RFFL: variants seen among roughly 807,000 people sequenced by gnomAD.
RFFL encodes the protein E3 ubiquitin-protein ligase rififylin.
In RFFL, 16 loss-of-function variants were observed where a neutral mutation model predicts 40.4. That is an observed-to-expected ratio of 0.40 (90% CI 0.27 to 0.60). RFFL has a LOEUF of 0.60. Ranked by LOEUF, RFFL falls within the 20% of genes least tolerant of loss-of-function variation. RFFL has a pLI of 0.47. For synonymous variants in RFFL, 154 were observed against 167.9 expected (o/e 0.92, Z 0.64); for missense variants, 367 against 451.7 (o/e 0.81, Z 1.70).
At chr17:35,087,347 T>C (rs1244811434) in intron 1 of RFFL, among the ~76,000 whole-genome samples, 1 of 149,974 alleles carries the variant, frequency 6.7e-6, no homozygotes, top group East Asian at 1.9e-4. Context: ...TGAGACTCTG[T>C]CTCCAAAAAA....
At chr17:35,044,017 T>C (rs1404571328) in intron 1 of RFFL, among the ~76,000 whole-genome samples, 2 of 152,222 alleles carry the variant, frequency 1.3e-5, no homozygotes, top group African/African-American at 2.4e-5. Context: ...TTAAGGTGTA[T>C]TTCAGTTTCT....
rs560336866 is a variant in RFFL at position 35,059,815 on chromosome 17, A to C, written c.-9+3761T>G. 1.1e-3 allele frequency among the ~76,000 whole-genome samples: 164 copies of C among 152,306 alleles called. 1 individual carries two copies. The highest frequency in any genetic ancestry group is 3.9e-3 in the African/African-American group (161 of 41,560). On this transcript the variant is annotated intron_variant, in intron 1 of 6. Transcript: ENST00000394597. ...TCTTAGCTTTTCTTTCTCTAGGCTA[A>C]AATCTTTCCCCCCTTTTTAAAACTT... is the stretch of plus-strand genomic sequence containing the variant.
rs1046652543 is a variant in RFFL, at chr17:35,010,183, C to T, written c.*1785G>A. On this transcript the variant is annotated 3_prime_UTR_variant, in exon 7 of 7. Transcript: ENST00000394597. ...ATGTAATAAGTCCCTTTAGAGGTTT[C>T]CCTCTGCCATCCAGAGTCATGATTG... 8 of 152,330 alleles carry T rather than the reference C, an allele frequency of 5.3e-5. No homozygotes were observed. The highest frequency in any genetic ancestry group is 3.4e-3 in the Middle Eastern group (1 of 294). The allele number at this position is 152,330 out of a possible 1,614,324, so 9.4% of individuals were successfully genotyped here. A position where few individuals can be genotyped will look rare whatever the true frequency, so the allele number is the denominator to read the frequency against.
At chr17:35,026,931 T>G (rs539803900) in intron 1 of RFFL, among the ~76,000 whole-genome samples, 172 of 152,306 alleles carry the variant, frequency 1.1e-3, no homozygotes, top group Non-Finnish European at 1.9e-3. Context: ...CTCGAACTCC[T>G]GACCTTGTGA....
Position 35,012,009 on chromosome 17 carries a change from G to A in RFFL, c.1051C>T (p.Arg351Trp), listed in dbSNP as rs747976164. 9 of 1,614,150 alleles carry A rather than the reference G, an allele frequency of 5.6e-6. No individual in the cohort carries two copies. Among genetic ancestry groups the A allele is most frequent in the East Asian group, 4.5e-5 (2 of 44,880 alleles). Residue 351 changes from arginine (R) to tryptophan (W), a missense_variant, in exon 7 of 7, where the codon CGG (arginine) becomes TGG (tryptophan). Physicochemically the swap from Arg to Trp is moderately radical, Grantham distance 101. Coordinates refer to ENST00000394597, the MANE Select transcript of RFFL (RefSeq NM_001017368.2). The part of the protein sequence containing the change: ...GKRMNECPIC[R>W]QYVIRAVHVF... The stretch of plus-strand genomic sequence containing the variant: ...TGCACAGCTCGGATTACATACTGCC[G>A]GCAGATGGGACATTCATTCATGCGC...
rs372333983 is a variant in RFFL, at chr17:35,051,239, T to C, written c.-9+12337A>G. 5.6e-4 allele frequency among the ~76,000 whole-genome samples: 86 copies of C among 152,330 alleles called. No homozygotes were observed. In the South Asian group the frequency reaches 0.017, roughly 30 times the overall value. On this transcript the variant is annotated intron_variant, in intron 1 of 6. Coordinates refer to ENST00000394597, the MANE Select transcript of RFFL (RefSeq NM_001017368.2). ...GGCAAGGGCTGTAAAGGACTAGTTA[T>C]GTTAGCTTCTTTTCAAACCCAAAAT...
chr17:35,088,319 G>A (rs1343265468), intron 1 of RFFL, among the ~76,000 whole-genome samples: 1 of 152,160 alleles, frequency 6.6e-6, no homozygotes, highest in Non-Finnish European at 1.5e-5. Flanking sequence ...GATTACACAA[G>A]CAGTCTTCTT....
Position 35,006,493 on chromosome 17 carries a change from G to A in RFFL, c.*5475C>T, listed in dbSNP as rs2090896122. On this transcript the variant is annotated 3_prime_UTR_variant, in exon 7 of 7. Coordinates refer to ENST00000394597, the MANE Select transcript of RFFL (RefSeq NM_001017368.2). Reference sequence around the variant, plus strand: ...AATCATAGGGTTGTCCTGTTGTCCTGAGCAACATTATGTAAAGCACTTAGC... The same window carrying A: ...AATCATAGGGTTGTCCTGTTGTCCTAAGCAACATTATGTAAAGCACTTAGC... The A allele has an allele frequency of 6.6e-6, 1 of 152,240 alleles. No individual in the cohort carries two copies. The highest frequency in any genetic ancestry group is 2.4e-5 in the African/African-American group (1 of 41,428). 9.4% of individuals were successfully genotyped at this position (152,240 alleles called of 1,614,324 possible).
At chr17:35,070,213 G>C (rs12947295) in intron 1 of RFFL, among the ~76,000 whole-genome samples, 13,956 of 152,026 alleles carry the variant, frequency 0.092, 1,965 homozygotes, top group African/African-American at 0.3. Flanking sequence ...CTCTGTCACC[G>C]AGGCTGGAGT....
At chr17:35,038,014 A>G (rs2091134930) in intron 1 of RFFL, among the ~76,000 whole-genome samples, 1 of 150,862 alleles carries the variant, frequency 6.6e-6, no homozygotes, top group African/African-American at 2.5e-5. Context: ...GCAGACGGGC[A>G]TGGTGGCTCA....
intron 1 of RFFL, among the ~76,000 whole-genome samples, chr17:35,041,932 T>C (rs2091168752): frequency 6.6e-6 from 1 of 152,154 alleles, no homozygotes; most frequent in South Asian, 2.1e-4. Flanking sequence ...GAAGTATCGC[T>C]TGAACCCGGG....
chr17:35,043,486 C>T (rs2091179339), intron 1 of RFFL, among the ~76,000 whole-genome samples: 1 of 152,186 alleles, frequency 6.6e-6, no homozygotes, highest in Non-Finnish European at 1.5e-5. Flanking sequence ...AAACCAGCTT[C>T]CAGAGCCTCC....
exon 1 of RFFL, chr17:35,089,105 C>T (rs2091445855): frequency 1.3e-5 from 2 of 152,766 alleles, no homozygotes; most frequent in African/African-American, 4.8e-5. Context: ...GCCTCCTCAC[C>T]TGCTGCGGCC....
intron 1 of RFFL, among the ~76,000 whole-genome samples, chr17:35,063,264 T>C (rs1353304531): frequency 1.3e-5 from 2 of 151,848 alleles, no homozygotes; most frequent in Non-Finnish European, 2.9e-5. Flanking sequence ...GAAACCAGAC[T>C]GACCAACACA....
chr17:35,029,340 G>GTTTTTTT (rs751041700), intron 1 of RFFL, among the ~76,000 whole-genome samples: 1 of 128,014 alleles, frequency 7.8e-6, no homozygotes, highest in Non-Finnish European at 1.7e-5. Context: ...ATATTTTGTA[G>GTTTTTTT]TTTTTTTTTT....
chr17:35,057,995 A>T (rs1214146518), intron 1 of RFFL, among the ~76,000 whole-genome samples: 1 of 151,210 alleles, frequency 6.6e-6, no homozygotes, highest in Non-Finnish European at 1.5e-5. Flanking sequence ...ATTATGAACT[A>T]AAAAAAAAGT....
At chr17:35,073,026 A>G (rs2091358696) in intron 1 of RFFL, among the ~76,000 whole-genome samples, 1 of 141,478 alleles carries the variant, frequency 7.1e-6, no homozygotes, top group Non-Finnish European at 1.5e-5. Context: ...TTGGGCAACA[A>G]GAGTGAAACT....
chr17:35,031,232 G>A (rs1186502396), intron 1 of RFFL, among the ~76,000 whole-genome samples: 4 of 151,850 alleles, frequency 2.6e-5, no homozygotes, highest in Non-Finnish European at 2.9e-5. Flanking sequence ...TCAGCCTCCC[G>A]AGTAGCTGGG....
intron 1 of RFFL, among the ~76,000 whole-genome samples, chr17:35,056,748 G>A (rs1320642751): frequency 1.3e-5 from 2 of 152,014 alleles, no homozygotes; most frequent in Non-Finnish European, 2.9e-5. Context: ...CCCTATCTGC[G>A]ATGATCCTTC....
Sources: gnomAD v4.1 joint callset for allele counts (sites outside exome capture counted in the v4.1 genomes callset) on GRCh38, gnomAD v4.1.1 for gene constraint, MANE v1.5 for transcripts, NCBI Gene and HGNC (gene_info 2026-07-23, HGNC 2026-07-21) for gene names.